The following PDCL3 variants were observed in gnomAD, a reference collection of about 807,000 sequenced individuals.
PDCL3 encodes the protein phosducin-like protein 3.
PDCL3 carries 22 observed loss-of-function variants against 26.5 expected under a neutral mutation model. That is an observed-to-expected ratio of 0.83 (90% CI 0.59 to 1.19). PDCL3 has a LOEUF of 1.19. Ranked by LOEUF, PDCL3 falls within the 50% of genes most tolerant of loss-of-function variation. The pLI is 0.00. For synonymous variants in PDCL3, 81 were observed against 104.9 expected (o/e 0.77, Z 1.39); for missense variants, 246 against 294.1 (o/e 0.84, Z 1.20).
intron 1 of PDCL3, 30 bp from the exon 2 acceptor site, chr2:100,566,473 C>G: frequency 2.5e-6 from 4 of 1,610,480 alleles, no homozygotes; most frequent in Non-Finnish European, 3.4e-6. Context: ...AGACTTAGCA[C>G]TCATGGTAAC....
chr2:100,576,576 A>G lies in PDCL3; in HGVS notation c.*80A>G, dbSNP rs1291721436. ...TTAAAAAAGGAAAAAGCAAGAATGA[A>G]TCCTTGTGGTTTTTAGTTTTGTATA... On this transcript the variant is annotated 3_prime_UTR_variant, in exon 6 of 6. Coordinates refer to ENST00000264254, the MANE Select transcript of PDCL3 (RefSeq NM_024065.5). The G allele has an allele frequency of 7.4e-7, 1 of 1,347,562 alleles. No individual in the cohort carries two copies. The highest frequency in any genetic ancestry group is 3.1e-5 in the Admixed American group (1 of 32,640). The allele number at this position is 1,347,562 out of a possible 1,614,324, so 83.5% of individuals were successfully genotyped here.
intron 5 of PDCL3, among the ~76,000 whole-genome samples, chr2:100,574,162 C>G (rs1208442575): frequency 6.6e-6 from 1 of 151,990 alleles, no homozygotes; most frequent in Non-Finnish European, 1.5e-5. Flanking sequence ...TGCCACCATG[C>G]CTGGCTAAGT....
chr2:100,574,068 A>C (rs543628846), intron 5 of PDCL3, among the ~76,000 whole-genome samples: 1 of 152,106 alleles, frequency 6.6e-6, no homozygotes, highest in Non-Finnish European at 1.5e-5. Flanking sequence ...CAGTAGCACT[A>C]TCTTGGCTCA....
chr2:100,570,564 C>T (rs888607353), intron 4 of PDCL3, among the ~76,000 whole-genome samples: 12 of 151,590 alleles, frequency 7.9e-5, no homozygotes, highest in Admixed American at 1.3e-4. Flanking sequence ...CTGCAACCTC[C>T]GTCTCCCAGG....
At chr2:100,567,052 T>C (rs1014157312) in intron 2 of PDCL3, among the ~76,000 whole-genome samples, 3 of 152,138 alleles carry the variant, frequency 2.0e-5, no homozygotes, top group Non-Finnish European at 4.4e-5. Flanking sequence ...AGGGGGGTTT[T>C]CTCAAAGGCA....
Position 100,569,537 on chromosome 2 carries a change from G to A in PDCL3, c.225-41G>A, listed in dbSNP as rs756249654. On this transcript the variant is annotated intron_variant, in intron 3 of 5. Coordinates refer to ENST00000264254, the MANE Select transcript of PDCL3 (RefSeq NM_024065.5). The stretch of plus-strand genomic sequence containing the variant: ...CCTTCTAGACGATGTGTGTGTACAC[G>A]TGTTTGTGACGTAAGATGTTTCTCT... 2.0e-5 allele frequency: 32 copies of A among 1,608,084 alleles called. 1 individual carries two copies. In the South Asian group the frequency reaches 3.3e-4, roughly 17 times the overall value.
chr2:100,572,051 A>G (rs1299950978), intron 5 of PDCL3: 1 of 469,324 alleles, frequency 2.1e-6, no homozygotes, highest in African/African-American at 2.0e-5. Flanking sequence ...TTGGTGTGGA[A>G]TATATTTTGT....
chr2:100,570,650 G>C (rs1011064440), intron 4 of PDCL3, among the ~76,000 whole-genome samples: 1 of 151,832 alleles, frequency 6.6e-6, no homozygotes, highest in Non-Finnish European at 1.5e-5. Context: ...GCTGATTTTT[G>C]TATTTTTAGT....
Position 100,571,785 on chromosome 2 carries a change from C to T in PDCL3, c.564C>T (p.Asn188=). 6.2e-7 allele frequency: 1 copy of T among 1,614,082 alleles called. No homozygotes were observed. The highest frequency in any genetic ancestry group is 8.5e-7 in the Non-Finnish European group (1 of 1,180,020). The change falls in exon 5 of 6, where the codon AAC becomes AAT. Residue 188 remains asparagine (N), a synonymous_variant. Coordinates refer to ENST00000264254, the MANE Select transcript of PDCL3 (RefSeq NM_024065.5). The part of the protein sequence containing the change: ...FIGPLVFGGM[N]LTRDELEWKL... ...GTCCTCTGGTGTTTGGCGGCATGAACCTGACAAGAGATGGTAAGGGCTCTG... is the reference window on the plus strand; with the variant it reads ...GTCCTCTGGTGTTTGGCGGCATGAATCTGACAAGAGATGGTAAGGGCTCTG...
rs1389722999 is a variant in PDCL3, at chr2:100,566,588, A to G, written c.92A>G (p.Glu31Gly). Reference sequence around the variant, plus strand: ...AAGGAAAGTCTGAAAGAATTGGAAGAGGAGGCAGAAGAGGAGCAGCGCATC... The same window carrying G: ...AAGGAAAGTCTGAAAGAATTGGAAGGGGAGGCAGAAGAGGAGCAGCGCATC... ...PPKESLKELE[E>G]EAEEEQRILQ... Residue 31 changes from glutamate (E) to glycine (G), a missense_variant, in exon 2 of 6, where the codon GAG becomes GGG. Transcript: ENST00000264254. The G allele has an allele frequency of 6.2e-7, 1 of 1,614,008 alleles. No individual in the cohort carries two copies. The highest frequency in any genetic ancestry group is 1.7e-5 in the Admixed American group (1 of 59,998).
chr2:100,575,309 G>GTA (rs1675259913), intron 5 of PDCL3, among the ~76,000 whole-genome samples: 1 of 152,038 alleles, frequency 6.6e-6, no homozygotes, highest in Non-Finnish European at 1.5e-5. Context: ...CTAATTTTTT[G>GTA]TATTTTTAGT....
rs367724102 is a variant in PDCL3, at chr2:100,572,884, TTTGA to T, written c.577+1090_577+1093del. 3.2e-3 allele frequency among the ~76,000 whole-genome samples: 488 copies of T among 151,826 alleles called. 1 individual carries two copies. Among genetic ancestry groups the T allele is most frequent in the East Asian group, 4.7e-3 (24 of 5,128 alleles). ...TTAGCTCGGAAGGATGTGGTTTTTG[TTTGA>T]TTGTTTGTTTTTTTGAGATGGAGTT... On this transcript the variant is annotated intron_variant, in intron 5 of 5. Transcript: ENST00000264254.
intron 4 of PDCL3, 77 bp downstream of exon 4, chr2:100,569,798 C>T (rs1374156805): frequency 8.6e-6 from 13 of 1,516,914 alleles, no homozygotes; most frequent in Non-Finnish European, 1.1e-5. Context: ...TTACCTATAT[C>T]AGAGGGTTAA....
At position 100,567,943 on chromosome 2, in the gene PDCL3, C is replaced by A. The variant is rs573167216; in HGVS notation, c.134-988C>A. On this transcript the variant is annotated intron_variant, in intron 2 of 5. Coordinates refer to ENST00000264254, the MANE Select transcript of PDCL3 (RefSeq NM_024065.5). ...GTTCAAGCGATTCTCCTGCGTCAGC[C>A]TCCCGAGTAGCTGGGATTACAGACA... 3.3e-5 allele frequency among the ~76,000 whole-genome samples: 5 copies of A among 152,266 alleles called. No homozygotes were observed. In the East Asian group the frequency reaches 9.7e-4, roughly 29 times the overall value.
At chr2:100,565,694 A>G (rs1675047858) in intron 1 of PDCL3, among the ~76,000 whole-genome samples, 1 of 152,114 alleles carries the variant, frequency 6.6e-6, no homozygotes, top group Non-Finnish European at 1.5e-5. Flanking sequence ...GTCCTGGGTA[A>G]TTCTCTAAAA....
intron 1 of PDCL3, among the ~76,000 whole-genome samples, chr2:100,563,918 T>G (rs1675008291): frequency 6.7e-6 from 1 of 150,230 alleles, no homozygotes. Context: ...AGACACTGTT[T>G]TTTTTTTTTT....
At chr2:100,572,129 CAG>C (rs1013961805) in intron 5 of PDCL3, 1 of 303,496 alleles carries the variant, frequency 3.3e-6, no homozygotes, top group Non-Finnish European at 6.1e-6. Flanking sequence ...CACATGAACA[CAG>C]GGAGACGTTA....
In PDCL3 at chr2:100,563,002, C is replaced by G. The variant is rs1444680995; in HGVS notation, c.-66C>G. ...GGCGTGGCGGCGCTGTGCGCGTGCACAAAAGAGAGCTGAGGGGCGGGGGCG... is the reference window on the plus strand; with the variant it reads ...GGCGTGGCGGCGCTGTGCGCGTGCAGAAAAGAGAGCTGAGGGGCGGGGGCG... On this transcript the variant is annotated 5_prime_UTR_variant, in exon 1 of 6. Coordinates refer to ENST00000264254, the MANE Select transcript of PDCL3 (RefSeq NM_024065.5). 2.5e-6 allele frequency: 4 copies of G among 1,569,546 alleles called. No homozygotes were observed. The highest frequency in any genetic ancestry group is 3.5e-6 in the Non-Finnish European group (4 of 1,158,042).
At chr2:100,566,355 T>C in intron 1 of PDCL3, 148 bp from the exon 2 acceptor site, 1 of 1,068,604 alleles carries the variant, frequency 9.4e-7, no homozygotes, top group Non-Finnish European at 1.3e-6. Context: ...ACGGGGGCTA[T>C]GGATCTTTTG....
Sources: gnomAD v4.1 joint callset for allele counts (sites outside exome capture counted in the v4.1 genomes callset) on GRCh38, gnomAD v4.1.1 for gene constraint, MANE v1.5 for transcripts, NCBI Gene and HGNC (gene_info 2026-07-23, HGNC 2026-07-21) for gene names.